Variants in MTCL3 observed in about 807,000 individuals in gnomAD.
MTCL3 encodes microtubule cross-linking factor 3.
At chr6:127,491,413 G>A in the MTCL3 span, among the ~76,000 whole-genome samples, 5 of 152,186 alleles carry the variant, frequency 3.3e-5, no homozygotes, top group African/African-American at 7.2e-5. Flanking sequence ...GGGAAGACCC[G>A]CCATCCAACT....
chr6:127,509,199 G>A, the MTCL3 span, among the ~76,000 whole-genome samples: 1 of 152,196 alleles, frequency 6.6e-6, no homozygotes, highest in Non-Finnish European at 1.5e-5. Flanking sequence ...GGTCCCTCTT[G>A]TTTGCAGTTG....
At chr6:127,479,779 C>A in the MTCL3 span, among the ~76,000 whole-genome samples, 30 of 152,238 alleles carry the variant, frequency 2.0e-4, no homozygotes, top group East Asian at 4.4e-3. Context: ...TTTCAAGATA[C>A]AAAATGTGCT....
chr6:127,509,061 G>A, the MTCL3 span, among the ~76,000 whole-genome samples: 2 of 152,192 alleles, frequency 1.3e-5, no homozygotes, highest in Non-Finnish European at 2.9e-5. Context: ...AAGATAGAAT[G>A]CCATTTTCTA....
the MTCL3 span, chr6:127,516,469 G>T: frequency 1.3e-6 from 2 of 1,599,790 alleles, no homozygotes; most frequent in African/African-American, 1.3e-5. Context: ...CTGTCGCAGC[G>T]AACTGTCCCT....
chr6:127,475,218 C>G, the MTCL3 span: 5 of 1,477,626 alleles, frequency 3.4e-6, no homozygotes, highest in South Asian at 4.1e-5. This position sits in a 1 kb window ranked among gnomAD's most constrained non-coding sequence, Gnocchi z 7.3. Flanking sequence ...GTCCGGGCGC[C>G]GAGACGCCCC....
the MTCL3 span, among the ~76,000 whole-genome samples, chr6:127,473,613 A>G: frequency 6.6e-6 from 1 of 152,198 alleles, no homozygotes; most frequent in African/African-American, 2.4e-5. Context: ...ACATATCAAA[A>G]TTCAACAAGT....
the MTCL3 span, among the ~76,000 whole-genome samples, chr6:127,498,922 C>T: frequency 1.3e-5 from 2 of 152,044 alleles, no homozygotes; most frequent in Non-Finnish European, 2.9e-5. Context: ...GAGCTAAGAA[C>T]AGAAGGTGAC....
chr6:127,516,231 G>A, the MTCL3 span: 1 of 1,433,370 alleles, frequency 7.0e-7, no homozygotes, highest in Non-Finnish European at 9.1e-7. Flanking sequence ...GGGTCGCGGC[G>A]GGGGCCGCTT....
the MTCL3 span, among the ~76,000 whole-genome samples, chr6:127,500,880 C>T: frequency 7.9e-5 from 12 of 152,080 alleles, no homozygotes; most frequent in African/African-American, 2.9e-4. Context: ...GGTGCGATCT[C>T]AGCTCACTGC....
At chr6:127,476,495 G>C in the MTCL3 span, 2,974 of 1,506,716 alleles carry the variant, frequency 2.0e-3, 42 homozygotes, top group African/African-American at 0.027. This position sits in a 1 kb window ranked among gnomAD's most constrained non-coding sequence, Gnocchi z 4.4. Context: ...GAGGGAAAAG[G>C]ATAGGAGATC....
chr6:127,489,610 T>G, the MTCL3 span, among the ~76,000 whole-genome samples: 17 of 152,262 alleles, frequency 1.1e-4, no homozygotes, highest in African/African-American at 4.1e-4. Context: ...ACAGCCTTAT[T>G]GCTGATATGC....
chr6:127,476,297 C>T, the MTCL3 span: 1 of 1,614,082 alleles, frequency 6.2e-7, no homozygotes, highest in African/African-American at 1.3e-5. The surrounding 1 kb of genome is among the most constrained non-coding windows in gnomAD (Gnocchi z 4.4). Context: ...GGAGGGCCTC[C>T]GGCTTCTCCT....
chr6:127,502,768 G>A, the MTCL3 span, among the ~76,000 whole-genome samples: 1 of 152,092 alleles, frequency 6.6e-6, no homozygotes, highest in African/African-American at 2.4e-5. Context: ...CTTCACATAT[G>A]TTATCTCATG....
the MTCL3 span, among the ~76,000 whole-genome samples, chr6:127,484,465 C>T: frequency 1.3e-5 from 2 of 152,020 alleles, no homozygotes; most frequent in African/African-American, 4.8e-5. Context: ...CAAAACAGTC[C>T]CAAGAATACC....
the MTCL3 span, among the ~76,000 whole-genome samples, chr6:127,502,950 T>G: frequency 6.6e-6 from 1 of 152,326 alleles, no homozygotes; most frequent in African/African-American, 2.4e-5. Context: ...ATGTTCCTAG[T>G]TTTTGCTCCA....
the MTCL3 span, among the ~76,000 whole-genome samples, chr6:127,474,645 A>G: frequency 6.6e-6 from 1 of 151,052 alleles, no homozygotes; most frequent in African/African-American, 2.4e-5. Flanking sequence ...TAGTGCAATC[A>G]CCATTCACTG....
chr6:127,485,426 T>C, the MTCL3 span, among the ~76,000 whole-genome samples: 14 of 152,106 alleles, frequency 9.2e-5, no homozygotes, highest in Non-Finnish European at 2.1e-4. Flanking sequence ...TGAATAAAGA[T>C]TGAATTTTAT....
chr6:127,518,875 C>G, the MTCL3 span: 2 of 152,276 alleles, frequency 1.3e-5, no homozygotes, highest in African/African-American at 4.8e-5. Flanking sequence ...CAGGCTAACA[C>G]GCGAGGTACC....
the MTCL3 span, among the ~76,000 whole-genome samples, chr6:127,506,770 G>A: frequency 6.6e-6 from 1 of 151,940 alleles, no homozygotes; most frequent in Non-Finnish European, 1.5e-5. Flanking sequence ...TTAGTAGAAC[G>A]GGGTTTCACC....
Sources: allele counts gnomAD v4.1 joint callset (sites outside exome capture counted in the v4.1 genomes callset), GRCh38; gene constraint gnomAD v4.1.1; non-coding constraint Gnocchi (gnomAD v3.1); transcripts MANE v1.5; gene names NCBI Gene and HGNC (gene_info 2026-07-23, HGNC 2026-07-21).